The following REDIC1 variants were observed in gnomAD, a reference collection of about 807,000 sequenced individuals.
REDIC1 encodes the protein regulator of DNA class I crossover intermediates 1, also known as HEI10 Interacting Protein 1.
the REDIC1 span, among the ~76,000 whole-genome samples, chr12:39,749,051 G>T: frequency 0.016 from 2,399 of 151,986 alleles, 60 homozygotes; most frequent in African/African-American, 0.054. Context: ...CTAGCAGAAG[G>T]CAAGAAATAA....
the REDIC1 span, among the ~76,000 whole-genome samples, chr12:39,667,585 G>C: frequency 1.3e-5 from 2 of 152,148 alleles, no homozygotes; most frequent in African/African-American, 4.8e-5. Context: ...TGTTAGGTCT[G>C]CTTGGTGCAG....
chr12:39,684,175 G>A, the REDIC1 span: 1 of 1,032,578 alleles, frequency 9.7e-7, no homozygotes, highest in Non-Finnish European at 1.2e-6. Flanking sequence ...TCCATTATGT[G>A]TTGATGTTAA....
chr12:39,832,436 T>C, the REDIC1 span, among the ~76,000 whole-genome samples: 1 of 152,214 alleles, frequency 6.6e-6, no homozygotes, highest in Non-Finnish European at 1.5e-5. Flanking sequence ...AAAAGCATAA[T>C]GATAAAGGCT....
the REDIC1 span, among the ~76,000 whole-genome samples, chr12:39,738,381 A>C: frequency 1.3e-5 from 2 of 152,330 alleles, no homozygotes; most frequent in African/African-American, 2.4e-5. Flanking sequence ...AATTAGACAA[A>C]GTGAATGCAT....
chr12:39,663,241 C>T, the REDIC1 span, among the ~76,000 whole-genome samples: 1 of 151,896 alleles, frequency 6.6e-6, no homozygotes, highest in African/African-American at 2.4e-5. Context: ...ATTGGTGTCT[C>T]TCTCTATTTA....
At chr12:39,872,842 G>C in the REDIC1 span, among the ~76,000 whole-genome samples, 4 of 152,278 alleles carry the variant, frequency 2.6e-5, no homozygotes, top group Admixed American at 2.0e-4. Context: ...TACACATTCT[G>C]AACCATGGCT....
chr12:39,766,096 G>C, the REDIC1 span, among the ~76,000 whole-genome samples: 2 of 152,062 alleles, frequency 1.3e-5, no homozygotes, highest in African/African-American at 4.8e-5. Context: ...TTCAGACTTT[G>C]AGCCTTCCTT....
the REDIC1 span, among the ~76,000 whole-genome samples, chr12:39,728,597 C>T: frequency 6.6e-6 from 1 of 151,990 alleles, no homozygotes; most frequent in Non-Finnish European, 1.5e-5. Context: ...GCATATTGGC[C>T]TGAAATTTTG....
At chr12:39,630,994 T>G in the REDIC1 span, among the ~76,000 whole-genome samples, 1 of 152,174 alleles carries the variant, frequency 6.6e-6, no homozygotes, top group Non-Finnish European at 1.5e-5. Flanking sequence ...CATTAATAGT[T>G]CTGTTAAAAT....
the REDIC1 span, among the ~76,000 whole-genome samples, chr12:39,776,503 G>T: frequency 3.3e-5 from 5 of 152,220 alleles, no homozygotes; most frequent in African/African-American, 9.6e-5. Flanking sequence ...TATTCTCTGA[G>T]AAGTCAGAAT....
the REDIC1 span, among the ~76,000 whole-genome samples, chr12:39,854,826 G>T: frequency 6.6e-6 from 1 of 152,114 alleles, no homozygotes; most frequent in Non-Finnish European, 1.5e-5. Context: ...GGGCAAATCT[G>T]TTTTCCGCTT....
the REDIC1 span, among the ~76,000 whole-genome samples, chr12:39,691,583 AAT>A: frequency 3.3e-5 from 5 of 152,196 alleles, no homozygotes; most frequent in African/African-American, 1.2e-4. Flanking sequence ...AGGAAATGAA[AAT>A]AAAGTACAAA....
the REDIC1 span, among the ~76,000 whole-genome samples, chr12:39,834,900 T>C: frequency 6.6e-6 from 1 of 152,094 alleles, no homozygotes; most frequent in African/African-American, 2.4e-5. Context: ...CTAATTGACC[T>C]TTTACAGAGA....
At chr12:39,797,924 G>C in the REDIC1 span, among the ~76,000 whole-genome samples, 16 of 152,296 alleles carry the variant, frequency 1.1e-4, no homozygotes, top group South Asian at 3.1e-3. Flanking sequence ...ATCCCCCAGT[G>C]ATCTTACTTC....
the REDIC1 span, among the ~76,000 whole-genome samples, chr12:39,803,383 A>G: frequency 0.015 from 2,287 of 152,270 alleles, 59 homozygotes; most frequent in African/African-American, 0.05. Context: ...AACAATAAAC[A>G]GCAGAGCCAC....
At chr12:39,634,120 G>A in the REDIC1 span, among the ~76,000 whole-genome samples, 1 of 152,112 alleles carries the variant, frequency 6.6e-6, no homozygotes, top group Non-Finnish European at 1.5e-5. Flanking sequence ...GCAGTGGTTT[G>A]TAGTTCTCCT....
At chr12:39,856,357 G>C in the REDIC1 span, among the ~76,000 whole-genome samples, 1 of 152,058 alleles carries the variant, frequency 6.6e-6, no homozygotes, top group South Asian at 2.1e-4. Flanking sequence ...TCTTTGCTAT[G>C]CTTTATTTTA....
At chr12:39,898,046 ACAT>A in the REDIC1 span, among the ~76,000 whole-genome samples, 1 of 152,120 alleles carries the variant, frequency 6.6e-6, no homozygotes, top group African/African-American at 2.4e-5. Context: ...ACTGAATAGT[ACAT>A]CATTATATTG....
the REDIC1 span, among the ~76,000 whole-genome samples, chr12:39,735,228 C>T: frequency 5.9e-5 from 9 of 152,106 alleles, no homozygotes; most frequent in Non-Finnish European, 1.2e-4. Context: ...TAGTGAAGGT[C>T]TAAGGGCCTT....
Sources: gnomAD v4.1 joint callset for allele counts (sites outside exome capture counted in the v4.1 genomes callset) on GRCh38, gnomAD v4.1.1 for gene constraint, MANE v1.5 for transcripts, NCBI Gene and HGNC (gene_info 2026-07-23, HGNC 2026-07-21) for gene names.